BMAL1: variants seen among roughly 807,000 people sequenced by gnomAD.
BMAL1 encodes basic helix-loop-helix ARNT like 1.
the BMAL1 span, among the ~76,000 whole-genome samples, chr11:13,295,813 C>T: frequency 6.6e-6 from 1 of 152,316 alleles, no homozygotes; most frequent in South Asian, 2.1e-4. Flanking sequence ...TAATGAGTTA[C>T]CAGCATCTCA....
At chr11:13,348,786 C>T in the BMAL1 span, among the ~76,000 whole-genome samples, 3 of 152,286 alleles carry the variant, frequency 2.0e-5, no homozygotes, top group South Asian at 6.2e-4. Flanking sequence ...CTGAATCAGA[C>T]TGCAATGGGG....
the BMAL1 span, among the ~76,000 whole-genome samples, chr11:13,377,403 C>G: frequency 1.3e-5 from 2 of 152,182 alleles, no homozygotes; most frequent in Non-Finnish European, 2.9e-5. Context: ...TGGCTGTTGT[C>G]TCTCCCCCAT....
At chr11:13,288,436 T>TCTTTCTTTCTTCTTTCTTTCTTTCTTTC in the BMAL1 span, among the ~76,000 whole-genome samples, 2 of 131,450 alleles carry the variant, frequency 1.5e-5, no homozygotes, top group African/African-American at 5.6e-5. Flanking sequence ...TTTTTTTTTT[T>TCTTTCTTTCTTCTTTCTTTCTTTCTTTC]TTGTGATGGA....
At chr11:13,373,214 G>A in the BMAL1 span, among the ~76,000 whole-genome samples, 1 of 152,158 alleles carries the variant, frequency 6.6e-6, no homozygotes, top group Admixed American at 6.5e-5. Context: ...GGCCAGCCTG[G>A]GGACTGGTCT....
chr11:13,287,637 G>T, the BMAL1 span, among the ~76,000 whole-genome samples: 2 of 152,150 alleles, frequency 1.3e-5, no homozygotes, highest in Admixed American at 1.3e-4. Flanking sequence ...AGGTACTTTG[G>T]AGTTTAGGTT....
chr11:13,284,021 C>A, the BMAL1 span, among the ~76,000 whole-genome samples: 1 of 150,382 alleles, frequency 6.6e-6, no homozygotes, highest in Admixed American at 6.6e-5. Flanking sequence ...CCCTCACCTT[C>A]GTCCTTTTCT....
the BMAL1 span, among the ~76,000 whole-genome samples, chr11:13,309,029 C>T: frequency 1.1e-4 from 16 of 152,088 alleles, no homozygotes; most frequent in Non-Finnish European, 2.1e-4. Context: ...TATGAATGTA[C>T]TTAATACCAT....
the BMAL1 span, chr11:13,356,961 T>C: frequency 4.4e-6 from 7 of 1,597,994 alleles, no homozygotes; most frequent in African/African-American, 1.3e-5. Context: ...TGCAGAGAGA[T>C]GACAGGATCA....
the BMAL1 span, among the ~76,000 whole-genome samples, chr11:13,367,139 G>T: frequency 6.6e-6 from 1 of 152,088 alleles, no homozygotes; most frequent in African/African-American, 2.4e-5. Flanking sequence ...GAACAAATGG[G>T]CTCTATTTAC....
chr11:13,381,297 C>A, the BMAL1 span: 1 of 1,590,758 alleles, frequency 6.3e-7, no homozygotes. Flanking sequence ...AACCTCTTGC[C>A]CAAGATCTGA....
At chr11:13,290,622 C>T in the BMAL1 span, among the ~76,000 whole-genome samples, 1 of 151,900 alleles carries the variant, frequency 6.6e-6, no homozygotes, top group South Asian at 2.1e-4. Flanking sequence ...TGACTACCTA[C>T]CATATGCCAG....
chr11:13,376,874 A>T, the BMAL1 span: 3 of 674,694 alleles, frequency 4.4e-6, no homozygotes, highest in South Asian at 5.8e-5. Context: ...GGATTTCCCC[A>T]TGAATGCAGA....
chr11:13,384,748 A>AT, the BMAL1 span, among the ~76,000 whole-genome samples: 1 of 152,212 alleles, frequency 6.6e-6, no homozygotes, highest in Non-Finnish European at 1.5e-5. Context: ...CTGCCTGGTA[A>AT]TTTTTTGTTA....
chr11:13,375,907 A>AG, the BMAL1 span: 1 of 773,902 alleles, frequency 1.3e-6, no homozygotes. Context: ...CAGGACTGGC[A>AG]GAAGCTAGAA....
At chr11:13,369,517 A>C in the BMAL1 span, 3 of 1,379,216 alleles carry the variant, frequency 2.2e-6, no homozygotes, top group Non-Finnish European at 3.0e-6. Flanking sequence ...TCATTATAAA[A>C]CAGTGAGGCA....
chr11:13,343,476 A>G, the BMAL1 span, among the ~76,000 whole-genome samples: 44 of 152,094 alleles, frequency 2.9e-4, no homozygotes, highest in Non-Finnish European at 5.6e-4. Flanking sequence ...ATCCTGGGCC[A>G]CTTCAATTTG....
At chr11:13,372,591 C>T in the BMAL1 span, among the ~76,000 whole-genome samples, 10 of 152,148 alleles carry the variant, frequency 6.6e-5, no homozygotes, top group Non-Finnish European at 1.3e-4. Flanking sequence ...GGGTGGATCA[C>T]TTGAGCCCAG....
At chr11:13,348,511 G>C in the BMAL1 span, among the ~76,000 whole-genome samples, 1 of 152,126 alleles carries the variant, frequency 6.6e-6, no homozygotes, top group African/African-American at 2.4e-5. Context: ...TTAGAGGGCT[G>C]TGTGGGGGCT....
chr11:13,379,887 C>CTGCA, the BMAL1 span: 1 of 152,154 alleles, frequency 6.6e-6, no homozygotes, highest in Non-Finnish European at 1.5e-5. Flanking sequence ...TTGGAAGAAA[C>CTGCA]CTGTAAGACC....
Sources: allele counts gnomAD v4.1 joint callset (sites outside exome capture counted in the v4.1 genomes callset), GRCh38; gene constraint gnomAD v4.1.1; transcripts MANE v1.5; gene names NCBI Gene and HGNC (gene_info 2026-07-23, HGNC 2026-07-21).